NXPE2: variants seen among roughly 807,000 people sequenced by gnomAD.
NXPE2 encodes NXPE family member 2.
Under a neutral mutation model 34.4 loss-of-function variants are expected in NXPE2, and 34 were observed. The observed-to-expected ratio is 0.99, with a 90% CI of 0.75 to 1.31. The LOEUF (loss-of-function observed/expected upper bound fraction) is 1.31, where lower values mean the gene tolerates loss of function less well. Ranked by LOEUF, NXPE2 falls within the 40% of genes most tolerant of loss-of-function variation. The probability of loss-of-function intolerance (pLI) is 0.00; values close to 1 mark genes in which losing one functional copy is unlikely to be tolerated. For synonymous variants in NXPE2, 235 were observed against 231.3 expected (o/e 1.02, Z -0.15); for missense variants, 649 against 672.5 (o/e 0.97, Z 0.39).
the NXPE2 span, among the ~76,000 whole-genome samples, chr11:114,807,215 C>A: frequency 6.8e-6 from 1 of 146,866 alleles, no homozygotes; most frequent in African/African-American, 2.5e-5. Context: ...AAGGAACAAC[C>A]AGTACCAGCC....
chr11:114,642,563 CT>C, the NXPE2 span, among the ~76,000 whole-genome samples: 1 of 152,054 alleles, frequency 6.6e-6, no homozygotes, highest in Non-Finnish European at 1.5e-5. Flanking sequence ...TGGTTTCCAG[CT>C]TCATCTATGT....
chr11:114,697,967 T>C, intron 2 of NXPE2, 78 bp from the exon 3 acceptor site: 1 of 1,265,952 alleles, frequency 7.9e-7, no homozygotes, highest in Non-Finnish European at 1.0e-6. Flanking sequence ...AGATGTAAAA[T>C]AAGCCATAAT....
At chr11:114,776,898 T>A in the NXPE2 span, among the ~76,000 whole-genome samples, 1 of 152,262 alleles carries the variant, frequency 6.6e-6, no homozygotes, top group Non-Finnish European at 1.5e-5. Flanking sequence ...GCTGCATTTT[T>A]TCAAATAGCT....
the NXPE2 span, among the ~76,000 whole-genome samples, chr11:114,712,089 A>G: frequency 1.3e-5 from 2 of 152,224 alleles, no homozygotes; most frequent in African/African-American, 4.8e-5. Flanking sequence ...TTTATAGCAT[A>G]TACAAAAATT....
At chr11:114,540,532 G>A in the NXPE2 span, among the ~76,000 whole-genome samples, 6 of 152,248 alleles carry the variant, frequency 3.9e-5, no homozygotes, top group East Asian at 1.9e-4. Flanking sequence ...GAATGGGTGC[G>A]TATGGGAAAA....
chr11:114,724,844 C>G, the NXPE2 span, among the ~76,000 whole-genome samples: 3 of 121,594 alleles, frequency 2.5e-5, no homozygotes, highest in Non-Finnish European at 3.4e-5. Context: ...GCTTCCATGG[C>G]TTTTTTTTTT....
chr11:114,734,982 T>C, the NXPE2 span, among the ~76,000 whole-genome samples: 2 of 152,220 alleles, frequency 1.3e-5, no homozygotes, highest in East Asian at 3.9e-4. Flanking sequence ...TGGTGGTGGG[T>C]GCCTGTAGTC....
At chr11:114,693,137 GCAC>G (rs1240412075) in intron 2 of NXPE2, among the ~76,000 whole-genome samples, 1 of 152,186 alleles carries the variant, frequency 6.6e-6, no homozygotes, top group Non-Finnish European at 1.5e-5. Context: ...CCCATGTGGT[GCAC>G]ACTTTGCCTT....
chr11:114,571,094 G>A, the NXPE2 span: 1 of 1,613,960 alleles, frequency 6.2e-7, no homozygotes, highest in African/African-American at 1.3e-5. Context: ...GATATTGAAT[G>A]TAACCATGAA....
the NXPE2 span, among the ~76,000 whole-genome samples, chr11:114,609,530 C>T: frequency 6.6e-6 from 1 of 151,830 alleles, no homozygotes; most frequent in African/African-American, 2.4e-5. Flanking sequence ...TCGTGGGTAA[C>T]CACTGTTACC....
At chr11:114,621,246 G>A in the NXPE2 span, among the ~76,000 whole-genome samples, 1 of 152,150 alleles carries the variant, frequency 6.6e-6, no homozygotes, top group African/African-American at 2.4e-5. Context: ...GTTACCCGGT[G>A]GATAATACGT....
chr11:114,762,726 T>A, the NXPE2 span, among the ~76,000 whole-genome samples: 2 of 152,184 alleles, frequency 1.3e-5, no homozygotes, highest in Admixed American at 6.5e-5. Context: ...AGTCTTTAAA[T>A]CTCAGCCTTC....
chr11:114,469,448 T>C, the NXPE2 span, among the ~76,000 whole-genome samples: 1 of 152,092 alleles, frequency 6.6e-6, no homozygotes, highest in Non-Finnish European at 1.5e-5. Context: ...TTTATTGAAG[T>C]ATAATCAACA....
chr11:114,549,765 G>T, the NXPE2 span, among the ~76,000 whole-genome samples: 1 of 151,908 alleles, frequency 6.6e-6, no homozygotes, highest in Admixed American at 6.6e-5. Context: ...CGAGACACTG[G>T]AATTGAAAAG....
intron 2 of NXPE2, among the ~76,000 whole-genome samples, chr11:114,693,462 C>T (rs1188351439): frequency 4.6e-5 from 7 of 152,186 alleles, no homozygotes; most frequent in Non-Finnish European, 8.8e-5. Flanking sequence ...GACCGCTGCC[C>T]ATGTCCCAGA....
At chr11:114,718,709 A>C in the NXPE2 span, among the ~76,000 whole-genome samples, 1 of 152,302 alleles carries the variant, frequency 6.6e-6, no homozygotes, top group East Asian at 1.9e-4. Context: ...CCAAAAAGGA[A>C]AGAATGACTG....
chr11:114,739,338 TCCCC>T, the NXPE2 span, among the ~76,000 whole-genome samples: 6 of 12,792 alleles, frequency 4.7e-4, no homozygotes, highest in African/African-American at 8.2e-4. Flanking sequence ...CTTCCTTCCT[TCCCC>T]CCTTCCTCTC....
chr11:114,725,976 A>AAAAATATATATATATATATATATATAT, the NXPE2 span, among the ~76,000 whole-genome samples: 1 of 101,768 alleles, frequency 9.8e-6, no homozygotes, highest in Non-Finnish European at 2.1e-5. Context: ...ATAAAAAAAA[A>AAAAATATATATATATATATATATATAT]ATATATATAT....
the NXPE2 span, among the ~76,000 whole-genome samples, chr11:114,764,161 A>G: frequency 6.6e-6 from 1 of 152,162 alleles, no homozygotes; most frequent in Non-Finnish European, 1.5e-5. Context: ...CCTTCTTTAC[A>G]TATATGTATC....
Sources: gnomAD v4.1 joint callset for allele counts (sites outside exome capture counted in the v4.1 genomes callset) on GRCh38, gnomAD v4.1.1 for gene constraint, MANE v1.5 for transcripts, NCBI Gene and HGNC (gene_info 2026-07-23, HGNC 2026-07-21) for gene names.